Variants in SIGIRR observed in about 807,000 individuals in gnomAD.
SIGIRR encodes the protein single Ig IL-1-related receptor.
SIGIRR carries 41 observed loss-of-function variants against 45.6 expected under a neutral mutation model. The ratio of observed to expected loss-of-function variants is 0.90; its 90% CI spans 0.70 to 1.17. The LOEUF (loss-of-function observed/expected upper bound fraction) is 1.17, where lower values mean the gene tolerates loss of function less well. Ranked by LOEUF, SIGIRR falls within the 50% of genes most tolerant of loss-of-function variation. The pLI is 0.00. For missense variants in SIGIRR, 599 were observed against 539.6 expected, an observed-to-expected ratio of 1.11 and a Z score of -1.09; for synonymous variants, 298 against 239.0, an observed-to-expected ratio of 1.25 and a Z score of -2.28.
intron 1 of SIGIRR, among the ~76,000 whole-genome samples, chr11:412,684 G>T (rs1237446765): frequency 2.4e-4 from 1 of 4,130 alleles, no homozygotes; most frequent in Non-Finnish European, 3.4e-4. Context: ...GATACAGTCG[G>T]GGGGGGGGGG....
At position 407,661 on chromosome 11, in the gene SIGIRR, G is replaced by C. The variant is rs1212259510; in HGVS notation, c.482-93C>G. ...CCCCTAACCATCTCCCACGTGCACA[G>C]GGGCAGACCCGCCCCGGACTTTAAC... is the stretch of plus-strand genomic sequence containing the variant. On this transcript the variant is annotated intron_variant, in intron 5 of 9. Transcript: ENST00000431843. The C allele has an allele frequency of 1.9e-6, 3 of 1,560,440 alleles. No individual in the cohort carries two copies. The African/African-American group carries it at 4.1e-5, about 21-fold the overall frequency.
upstream of SIGIRR, among the ~76,000 whole-genome samples, chr11:416,194 C>T (rs956856453): frequency 5.3e-5 from 8 of 152,118 alleles, no homozygotes; most frequent in Non-Finnish European, 1.0e-4. The surrounding 1 kb of genome is among the most constrained non-coding windows in gnomAD (Gnocchi z 9.1). Flanking sequence ...CAGCAGGGCC[C>T]AGGGCACCCC....
chr11:410,296 G>C (rs1319386385), intron 1 of SIGIRR, among the ~76,000 whole-genome samples: 1 of 152,150 alleles, frequency 6.6e-6, no homozygotes, highest in Non-Finnish European at 1.5e-5. Context: ...ACGGCCCCAG[G>C]GTGCAGTGGA....
chr11:409,089 C>T (rs147913601), intron 2 of SIGIRR, 196 bp from the exon 3 acceptor site: 13 of 617,522 alleles, frequency 2.1e-5, no homozygotes, highest in South Asian at 3.7e-5. Context: ...TTGGGTGTTC[C>T]GCCCACCCTG....
At position 408,044 on chromosome 11, in the gene SIGIRR, T is replaced by C. The variant is rs757184742; in HGVS notation, c.340+29A>G. The C allele has an allele frequency of 3.1e-6, 5 of 1,612,084 alleles. No individual in the cohort carries two copies. The South Asian group carries it at 4.4e-5, about 14-fold the overall frequency. ...GCCTCACTAGGTCTAGGTCCCCTTCTACCCTCCACCTTGGGGAACCCCCAT... is the reference window on the plus strand; with the variant it reads ...GCCTCACTAGGTCTAGGTCCCCTTCCACCCTCCACCTTGGGGAACCCCCAT... On this transcript the variant is annotated intron_variant, in intron 4 of 9. Coordinates refer to ENST00000431843, the MANE Select transcript of SIGIRR (RefSeq NM_001135054.2).
Position 414,999 on chromosome 11 carries a change from C to T in SIGIRR, c.-330G>A. 6.5e-6 allele frequency: 3 copies of T among 463,926 alleles called. No homozygotes were observed. Among genetic ancestry groups the T allele is most frequent in the South Asian group, 9.1e-5 (1 of 10,960 alleles). 28.7% of individuals were successfully genotyped at this position (463,926 alleles called of 1,614,324 possible). A position where few individuals can be genotyped will look rare whatever the true frequency, so the allele number is the denominator to read the frequency against. ...CTTTGTGTATTTTGATCAGAACTTT[C>T]CCTGTAGCTTCCTGGCCTTGCAGTC... On this transcript the variant is annotated 5_prime_UTR_variant, in exon 1 of 10. Coordinates refer to ENST00000431843, the MANE Select transcript of SIGIRR (RefSeq NM_001135054.2).
At chr11:412,567 G>C (rs1236621162) in intron 1 of SIGIRR, among the ~76,000 whole-genome samples, 1 of 3,818 alleles carries the variant, frequency 2.6e-4, no homozygotes, top group Non-Finnish European at 3.9e-4. Flanking sequence ...ACAGTCGGGG[G>C]GGGGTGCCCA....
At chr11:414,768 C>G in intron 1 of SIGIRR, 55 bp downstream of exon 1, 2 of 978,720 alleles carry the variant, frequency 2.0e-6, no homozygotes, top group Non-Finnish European at 1.2e-6. Context: ...CCGTGGGCCT[C>G]CTCTCAGCCA....
intron 6 of SIGIRR, 27 bp downstream of exon 6, chr11:407,398 C>T (rs1590372274): frequency 8.5e-6 from 8 of 941,980 alleles, no homozygotes; most frequent in Non-Finnish European, 1.1e-5. Flanking sequence ...TCCGGGTGGG[C>T]GGGGCACGGG....
Position 406,340 on chromosome 11 carries a change from C to T in SIGIRR, c.1069+9G>A, listed in dbSNP as rs774893710. Reference sequence around the variant, plus strand: ...TCTCCAGTTGGGGAGTGGGGCTGGGCGGGCATACCCAGGTCGCCCTCAGGG... The same window carrying T: ...TCTCCAGTTGGGGAGTGGGGCTGGGTGGGCATACCCAGGTCGCCCTCAGGG... On this transcript the variant is annotated intron_variant, in intron 9 of 9. Coordinates refer to ENST00000431843, the MANE Select transcript of SIGIRR (RefSeq NM_001135054.2). 10 of 1,611,408 alleles carry T rather than the reference C, an allele frequency of 6.2e-6. No homozygotes were observed. The highest frequency in any genetic ancestry group is 6.8e-6 in the Non-Finnish European group (8 of 1,179,382).
Position 405,988 on chromosome 11 carries a change from G to A in SIGIRR, c.1141C>T (p.Arg381Trp), listed in dbSNP as rs1339171572. Residue 381 changes from arginine (R) to tryptophan (W), a missense_variant, in exon 10 of 10, where the codon CGG becomes TGG. Arg to Trp is a moderately radical substitution (Grantham distance 101). Transcript: ENST00000431843. Reference sequence around the variant, plus strand: ...TCCGAGACGTCCACTTCGCTGCTCCGGCTCTCTCCCAGCGAGACCCCACTG... The same window carrying A: ...TCCGAGACGTCCACTTCGCTGCTCCAGCTCTCTCCCAGCGAGACCCCACTG... ...HTSGVSLGES[R>W]SSEVDVSDLG... The A allele has an allele frequency of 5.0e-6, 8 of 1,611,832 alleles. No homozygotes were observed. Among genetic ancestry groups the A allele is most frequent in the East Asian group, 2.2e-5 (1 of 44,870 alleles).
In SIGIRR at chr11:414,976, T is replaced by C; in HGVS notation, c.-307A>G. Reference sequence around the variant, plus strand: ...CGCGGTGGGGACCTGGCTTGTGTCTTTGTGTATTTTGATCAGAACTTTCCC... The same window carrying C: ...CGCGGTGGGGACCTGGCTTGTGTCTCTGTGTATTTTGATCAGAACTTTCCC... On this transcript the variant is annotated 5_prime_UTR_variant, in exon 1 of 10. Transcript: ENST00000431843. 1 of 653,462 alleles carries C rather than the reference T, an allele frequency of 1.5e-6. No homozygotes were observed. The highest frequency in any genetic ancestry group is 1.9e-6 in the Non-Finnish European group (1 of 526,978). The allele number at this position is 653,462 out of a possible 1,614,324, so 40.5% of individuals were successfully genotyped here.
Position 406,471 on chromosome 11 carries a change from A to G in SIGIRR, c.947T>C (p.Val316Ala). ...ALPRKVQYRP[V>A]EGDPQTQLQD... ...CAGCTGCGTCTGGGGGTCTCCTTCC[A>G]CAGGCCTGTACTGCACCTTCCGCGG... The change falls in exon 9 of 10, where the codon GTG (valine) becomes GCG (alanine). Residue 316 changes from valine (V) to alanine (A), a missense_variant. By Grantham distance (64) the Val-to-Ala change is moderately conservative. Transcript: ENST00000431843. 1 of 1,612,564 alleles carries G rather than the reference A, an allele frequency of 6.2e-7. No homozygotes were observed. Among genetic ancestry groups the G allele is most frequent in the South Asian group, 1.1e-5 (1 of 91,084 alleles).
intron 1 of SIGIRR, among the ~76,000 whole-genome samples, chr11:414,615 C>A (rs1207334863): frequency 6.6e-6 from 1 of 152,170 alleles, no homozygotes; most frequent in African/African-American, 2.4e-5. Context: ...CAACGCTTGT[C>A]ACAGAGCCTA....
At chr11:416,375 C>G (rs1847881986), upstream of SIGIRR, among the ~76,000 whole-genome samples, 1 of 152,128 alleles carries the variant, frequency 6.6e-6, no homozygotes, top group Non-Finnish European at 1.5e-5. This position sits in a 1 kb window ranked among gnomAD's most constrained non-coding sequence, Gnocchi z 9.1. Flanking sequence ...CCCCCGAGCC[C>G]CCAGGTCCAC....
At chr11:411,635 C>CGGTGGGGGG (rs746763110) in intron 1 of SIGIRR, among the ~76,000 whole-genome samples, 1 of 71,764 alleles carries the variant, frequency 1.4e-5, no homozygotes, top group African/African-American at 5.1e-5. Context: ...TGGATGCAGT[C>CGGTGGGGGG]GGGGGGTGCC....
chr11:407,876 T>C lies in SIGIRR; in HGVS notation c.422A>G (p.Lys141Arg). 6.2e-7 allele frequency: 1 copy of C among 1,612,572 alleles called. No individual in the cohort carries two copies. The highest frequency in any genetic ancestry group is 8.5e-7 in the Non-Finnish European group (1 of 1,179,846). Residue 141 changes from lysine to arginine, a missense_variant, in exon 5 of 10, where the codon AAG becomes AGG. Lys to Arg is a conservative substitution (Grantham distance 26, BLOSUM62 2). Coordinates refer to ENST00000431843, the MANE Select transcript of SIGIRR (RefSeq NM_001135054.2). ...ALLLAALLYVKCRLNVLLWYQ... is the reference protein window; with the variant it reads ...ALLLAALLYVRCRLNVLLWYQ... ...CCAGAGCAGCACGTTGAGACGGCAC[T>C]TGACATAGAGCAGGGCGGCCAGCAG... is the stretch of plus-strand genomic sequence containing the variant.
At chr11:406,696 G>A in intron 8 of SIGIRR, 147 bp downstream of exon 8, 1 of 1,410,404 alleles carries the variant, frequency 7.1e-7, no homozygotes, top group East Asian at 2.5e-5. Context: ...CCGCATCGGG[G>A]CCCCAGGCAG....
At chr11:408,292 G>C in intron 3 of SIGIRR, 86 bp from the exon 4 acceptor site, 3 of 1,532,164 alleles carry the variant, frequency 2.0e-6, no homozygotes, top group Non-Finnish European at 2.6e-6. Context: ...ACCCAGGGAG[G>C]CTGCAGAATT....
Sources: allele counts gnomAD v4.1 joint callset (sites outside exome capture counted in the v4.1 genomes callset), GRCh38; gene constraint gnomAD v4.1.1; non-coding constraint Gnocchi (gnomAD v3.1); transcripts MANE v1.5; gene names NCBI Gene and HGNC (gene_info 2026-07-23, HGNC 2026-07-21).